The following CEBPZ variants were observed in gnomAD, a reference collection of about 807,000 sequenced individuals.
CEBPZ encodes the protein CCAAT/enhancer-binding protein zeta.
Under a neutral mutation model 104.5 loss-of-function variants are expected in CEBPZ, and 78 were observed. That is an observed-to-expected ratio of 0.75 (90% CI 0.62 to 0.90). The LOEUF (loss-of-function observed/expected upper bound fraction) is 0.90. CEBPZ is among the 40% of genes least tolerant of loss of function. CEBPZ has a pLI of 0.00. For missense variants in CEBPZ, 1,439 were observed against 1,233.5 expected, an observed-to-expected ratio of 1.17 and a Z score of -2.50; for synonymous variants, 470 against 427.0, an observed-to-expected ratio of 1.10 and a Z score of -1.24.
intron 5 of CEBPZ, among the ~76,000 whole-genome samples, chr2:37,220,093 C>T (rs888453536): frequency 9.2e-5 from 14 of 151,706 alleles, no homozygotes; most frequent in African/African-American, 3.4e-4. Context: ...CTGAGGCAGG[C>T]GGATCACAAG....
At chr2:37,229,983 T>C (rs940463907) in intron 1 of CEBPZ, among the ~76,000 whole-genome samples, 2 of 152,174 alleles carry the variant, frequency 1.3e-5, no homozygotes, top group African/African-American at 4.8e-5. Context: ...TGTGAGCCAC[T>C]GTGCCTGGCT....
chr2:37,230,011 A>T (rs1665006160), intron 1 of CEBPZ, among the ~76,000 whole-genome samples: 1 of 152,158 alleles, frequency 6.6e-6, no homozygotes, highest in African/African-American at 2.4e-5. Context: ...ACAAATTTAT[A>T]CTACATATAC....
chr2:37,214,160 GTAATACATTTCAAAGATAA>G lies in CEBPZ; in HGVS notation c.2448-218_2448-200del, dbSNP rs528603393. ...AAAAAGTAGCTGGAATCTTTTAAGT[GTAATACATTTCAAAGATAA>G]TATTTTATCAGCCCTATTCTTATAT... On this transcript the variant is annotated intron_variant, in intron 9 of 15. Transcript: ENST00000234170. Among the ~76,000 whole-genome samples, 15 of 152,232 alleles carry G rather than the reference GTAATACATTTCAAAGATAA, an allele frequency of 9.9e-5. No individual in the cohort carries two copies. The South Asian group carries it at 3.1e-3, about 32-fold the overall frequency.
intron 15 of CEBPZ, 108 bp from the exon 16 acceptor site, chr2:37,202,011 G>A: frequency 1.1e-6 from 1 of 950,862 alleles, no homozygotes; most frequent in Non-Finnish European, 1.6e-6. Flanking sequence ...CTTGGCCTGT[G>A]GTTTCCCACC....
intron 1 of CEBPZ, among the ~76,000 whole-genome samples, chr2:37,230,069 A>G (rs1020480195): frequency 2.0e-5 from 3 of 152,224 alleles, no homozygotes; most frequent in African/African-American, 7.2e-5. Context: ...TAACTGTAGT[A>G]TTATTTAAAA....
At chr2:37,220,248 C>T (rs1664737145) in intron 5 of CEBPZ, 137 bp downstream of exon 5, 2 of 241,022 alleles carry the variant, frequency 8.3e-6, no homozygotes, top group African/African-American at 2.3e-5. Context: ...ACCCGGAAGG[C>T]GGACGTTACA....
intron 2 of CEBPZ, among the ~76,000 whole-genome samples, chr2:37,226,211 C>T (rs1664883593): frequency 6.6e-6 from 1 of 151,994 alleles, no homozygotes; most frequent in African/African-American, 2.4e-5. Flanking sequence ...GTCTCTGTGT[C>T]TTTTTCTTTT....
Position 37,201,697 on chromosome 2 carries a change from A to G in CEBPZ, c.*67T>C. On this transcript the variant is annotated 3_prime_UTR_variant, in exon 16 of 16. Coordinates refer to ENST00000234170, the MANE Select transcript of CEBPZ (RefSeq NM_005760.3). ...TGTATGGAATCAGAGAGCTAGATCAAAAAACATGGTTGAACAGCAAAAATT... is the reference window on the plus strand; with the variant it reads ...TGTATGGAATCAGAGAGCTAGATCAGAAAACATGGTTGAACAGCAAAAATT... 6.0e-6 allele frequency: 6 copies of G among 997,754 alleles called. No individual in the cohort carries two copies. The highest frequency in any genetic ancestry group is 2.8e-5 in the South Asian group (2 of 72,618). 61.8% of individuals were successfully genotyped at this position (997,754 alleles called of 1,614,324 possible). A position where few individuals can be genotyped will look rare whatever the true frequency, so the allele number is the denominator to read the frequency against.
Position 37,202,932 on chromosome 2 carries a change from A to T in CEBPZ, c.2943+18T>A. ...AATGTAGAATAGCTAGCTTGTTAAA[A>T]CAGTACATTAGCCTTACCTCTTCAG... On this transcript the variant is annotated intron_variant, in intron 14 of 15. Coordinates refer to ENST00000234170, the MANE Select transcript of CEBPZ (RefSeq NM_005760.3). 6.3e-7 allele frequency: 1 copy of T among 1,595,778 alleles called. No homozygotes were observed. The highest frequency in any genetic ancestry group is 8.5e-7 in the Non-Finnish European group (1 of 1,170,176).
chr2:37,202,859 G>C lies in CEBPZ; in HGVS notation c.2950C>G (p.His984Asp). 6.3e-7 allele frequency: 1 copy of C among 1,599,618 alleles called. No homozygotes were observed. The highest frequency in any genetic ancestry group is 1.1e-5 in the South Asian group (1 of 88,072). ...GATCCCATATTTTCATCCAATAGATGGCCAAACTTTTAAACAAAAACGATA... is the reference window on the plus strand; with the variant it reads ...GATCCCATATTTTCATCCAATAGATCGCCAAACTTTTAAACAAAAACGATA... ...SLFVSAEEFG[H>D]LLDENMGSKF... is the part of the protein sequence containing the mutation. The change falls in exon 15 of 16, where the codon CAT becomes GAT. Residue 984 changes from histidine (H) to aspartate (D), a missense_variant. His to Asp is a moderately conservative substitution (Grantham distance 81). Transcript: ENST00000234170.
intron 4 of CEBPZ, among the ~76,000 whole-genome samples, chr2:37,222,038 C>A (rs1241953219): frequency 1.3e-5 from 2 of 152,116 alleles, no homozygotes; most frequent in Non-Finnish European, 2.9e-5. Flanking sequence ...AATCCCAGCA[C>A]TTTGGGAGGC....
intron 13 of CEBPZ, chr2:37,210,017 T>C (rs190542413): frequency 1.3e-5 from 2 of 152,090 alleles, no homozygotes; most frequent in East Asian, 1.9e-4. Flanking sequence ...AAGAAACATA[T>C]GAAGAAATGC....
rs377663666 is a variant in CEBPZ, at chr2:37,228,951, T to C, written c.242A>G (p.Gln81Arg). The change falls in exon 2 of 16, where the codon CAA (glutamine) becomes CGA (arginine). Residue 81 changes from glutamine (Q) to arginine (R), a missense_variant. Gln to Arg is a conservative substitution (Grantham distance 43, BLOSUM62 1). Coordinates refer to ENST00000234170, the MANE Select transcript of CEBPZ (RefSeq NM_005760.3). The stretch of plus-strand genomic sequence containing the variant: ...TTGAATAAATGCTTCCAATTCACCT[T>C]GCTGAAGGTCATCGATTGCTCCTTT... ...GKKGAIDDLQ[Q>R]GELEAFIQNL... 6.5e-4 allele frequency: 1,048 copies of C among 1,609,322 alleles called. 15 individuals carry two copies. The South Asian group carries it at 0.011, about 17-fold the overall frequency.
Position 37,229,010 on chromosome 2 carries a change from C to A in CEBPZ, c.183G>T (p.Leu61Phe). 1 of 1,569,328 alleles carries A rather than the reference C, an allele frequency of 6.4e-7. No individual in the cohort carries two copies. Among genetic ancestry groups the A allele is most frequent in the Non-Finnish European group, 8.6e-7 (1 of 1,163,018 alleles). Residue 61 changes from leucine (L) to phenylalanine (F), a missense_variant, in exon 2 of 16, where the codon TTG becomes TTT. Physicochemically the swap from Leu to Phe is conservative, Grantham distance 22. Coordinates refer to ENST00000234170, the MANE Select transcript of CEBPZ (RefSeq NM_005760.3). Reference sequence around the variant, plus strand: ...CATCTATCACTTCCTCATTCTCATCCAAAGTAGCCAGCATAAGGTAATCTT... The same window carrying A: ...CATCTATCACTTCCTCATTCTCATCAAAAGTAGCCAGCATAAGGTAATCTT... ...TKQDYLMLAT[L>F]DENEEVIDGG... is the part of the protein sequence containing the mutation.
intron 4 of CEBPZ, among the ~76,000 whole-genome samples, chr2:37,221,746 G>A (rs1037362984): frequency 3.3e-5 from 5 of 152,158 alleles, no homozygotes; most frequent in Non-Finnish European, 7.4e-5. Flanking sequence ...ACTGAAATTT[G>A]TAGATGAATT....
intron 4 of CEBPZ, among the ~76,000 whole-genome samples, chr2:37,221,319 C>CA (rs371269880): frequency 3.3e-4 from 50 of 150,514 alleles, no homozygotes; most frequent in African/African-American, 8.3e-4. Context: ...GACCCTGTCT[C>CA]AAAAAAAACA....
At chr2:37,205,882 AAAG>A (rs1194274533) in intron 13 of CEBPZ, among the ~76,000 whole-genome samples, 2 of 152,004 alleles carry the variant, frequency 1.3e-5, no homozygotes, top group Non-Finnish European at 2.9e-5. Flanking sequence ...CAATTAGCAG[AAAG>A]AAGAGTTCGT....
chr2:37,212,439 T>G (rs763357280), intron 10 of CEBPZ, 47 bp from the exon 11 acceptor site: 11 of 1,463,040 alleles, frequency 7.5e-6, no homozygotes, highest in Non-Finnish European at 8.6e-6. Context: ...AATGACAAGC[T>G]TGACATATAT....
chr2:37,207,262 A>C (rs944203758), intron 13 of CEBPZ, among the ~76,000 whole-genome samples: 2 of 152,244 alleles, frequency 1.3e-5, no homozygotes, highest in Admixed American at 6.5e-5. Context: ...GAAAGTCAAC[A>C]AAGAAACAAT....
Sources: gnomAD v4.1 joint callset for allele counts (sites outside exome capture counted in the v4.1 genomes callset) on GRCh38, gnomAD v4.1.1 for gene constraint, MANE v1.5 for transcripts, NCBI Gene and HGNC (gene_info 2026-07-23, HGNC 2026-07-21) for gene names.